Variants in CAMTA1 observed in about 807,000 individuals in gnomAD.
CAMTA1 encodes calmodulin-binding transcription activator 1.
In CAMTA1, 27 loss-of-function variants were observed where a neutral mutation model predicts 170.9. The ratio of observed to expected loss-of-function variants is 0.16; its 90% CI spans 0.12 to 0.22. CAMTA1 has a LOEUF of 0.22. Ranked by LOEUF, CAMTA1 falls within the 10% of genes least tolerant of loss-of-function variation. The pLI, the probability that CAMTA1 is intolerant of heterozygous loss-of-function variation, is 1.00. For synonymous variants in CAMTA1, 833 were observed against 891.5 expected (o/e 0.93, Z 1.17); for missense variants, 1,619 against 2,217.2 (o/e 0.73, Z 5.42).
At chr1:6,953,826 G>A (rs558095172) in intron 3 of CAMTA1, among the ~76,000 whole-genome samples, 3 of 151,804 alleles carry the variant, frequency 2.0e-5, no homozygotes, top group Admixed American at 6.6e-5. Context: ...GGCTGAGCAC[G>A]ACACTGGCAT....
chr1:7,276,289 ATATATATATATATATTT>A (rs775602501), intron 5 of CAMTA1, among the ~76,000 whole-genome samples: 722 of 53,516 alleles, frequency 0.013, 21 homozygotes, highest in Non-Finnish European at 0.015. Flanking sequence ...ATATATATAT[ATATATATATATATATTT>A]TTTTTTTTTT....
chr1:7,628,073 A>G lies in CAMTA1; in HGVS notation c.511-12327A>G, dbSNP rs150052535. Among the ~76,000 whole-genome samples the G allele has an allele frequency of 1.1e-3, 172 of 152,316 alleles. 1 individual carries two copies. The highest frequency in any genetic ancestry group is 4.0e-3 in the African/African-American group (168 of 41,564). ...GGGGAGGAAGAGATTTGGGGGCTGG[A>G]GTTGCTGAAAAGTCTTGAGATGTGC... On this transcript the variant is annotated intron_variant, in intron 6 of 22. Coordinates refer to ENST00000303635, the MANE Select transcript of CAMTA1 (RefSeq NM_015215.4).
rs1684979688 is a variant in CAMTA1, at chr1:6,934,552, T to C, written c.234+109342T>C. 6.6e-6 allele frequency among the ~76,000 whole-genome samples: 1 copy of C among 152,232 alleles called. No individual in the cohort carries two copies. The highest frequency in any genetic ancestry group is 2.4e-5 in the African/African-American group (1 of 41,472). On this transcript the variant is annotated intron_variant, in intron 3 of 22. Coordinates refer to ENST00000303635, the MANE Select transcript of CAMTA1 (RefSeq NM_015215.4). This position sits in a 1 kb window ranked among gnomAD's most constrained non-coding sequence, Gnocchi z 4.5. ...TTGGCCACTGTGGACCCGCTTGGGC[T>C]AGCTGCGTGTCTCTGTGTGTTGCTG...
intron 4 of CAMTA1, among the ~76,000 whole-genome samples, chr1:7,103,869 ACACAAC>A (rs1558103271): frequency 8.9e-5 from 13 of 146,412 alleles, no homozygotes; most frequent in South Asian, 4.4e-4. Context: ...ATACACACAC[ACACAAC>A]TACACACATG....
intron 3 of CAMTA1, among the ~76,000 whole-genome samples, chr1:7,086,528 C>T (rs1177842347): frequency 6.6e-6 from 1 of 152,172 alleles, no homozygotes; most frequent in African/African-American, 2.4e-5. Context: ...ATTTTCATCA[C>T]CCCAGAAGGA....
At chr1:6,792,061 G>T (rs1225695836) in intron 1 of CAMTA1, among the ~76,000 whole-genome samples, 4 of 151,390 alleles carry the variant, frequency 2.6e-5, no homozygotes, top group Non-Finnish European at 5.9e-5. Context: ...TCAAGCGATT[G>T]TCCTGCTTCA....
chr1:7,456,262 G>A lies in CAMTA1; in HGVS notation c.439-11568G>A, dbSNP rs1484721503. ...GGAGGGAGGGAGGAAGGGAGGAAGG[G>A]GGGCAGGGAGGCAAGAAGAATGGGA... is the stretch of plus-strand genomic sequence containing the variant. On this transcript the variant is annotated intron_variant, in intron 5 of 22. Coordinates refer to ENST00000303635, the MANE Select transcript of CAMTA1 (RefSeq NM_015215.4). The surrounding 1 kb of genome is among the most constrained non-coding windows in gnomAD (Gnocchi z 4.9). Among the ~76,000 whole-genome samples, 8 of 147,716 alleles carry A rather than the reference G, an allele frequency of 5.4e-5. No homozygotes were observed. The highest frequency in any genetic ancestry group is 5.4e-4 in the Admixed American group (8 of 14,848).
chr1:6,912,967 C>T (rs1207314263), intron 3 of CAMTA1, among the ~76,000 whole-genome samples: 2 of 152,312 alleles, frequency 1.3e-5, no homozygotes, highest in South Asian at 2.1e-4. Flanking sequence ...CAGCGCCCAG[C>T]GTGGAGTTAT....
At chr1:7,605,036 TG>T (rs2095474619) in intron 6 of CAMTA1, among the ~76,000 whole-genome samples, 1 of 152,134 alleles carries the variant, frequency 6.6e-6, no homozygotes, top group Non-Finnish European at 1.5e-5. Flanking sequence ...ATCATTCCTC[TG>T]GAAGTTTTGT....
At chr1:6,844,965 A>G (rs1228880275) in intron 3 of CAMTA1, among the ~76,000 whole-genome samples, 1 of 152,178 alleles carries the variant, frequency 6.6e-6, no homozygotes, top group East Asian at 1.9e-4. Flanking sequence ...TTTATTTTTT[A>G]TAGCAATAAG....
At chr1:7,649,544 G>C (rs1214494278) in intron 7 of CAMTA1, among the ~76,000 whole-genome samples, 1 of 152,010 alleles carries the variant, frequency 6.6e-6, no homozygotes, top group Non-Finnish European at 1.5e-5. Context: ...GCAGAGGGTG[G>C]GCACGGAGAG....
intron 4 of CAMTA1, among the ~76,000 whole-genome samples, chr1:7,138,239 G>A (rs186145163): frequency 2.1e-4 from 32 of 152,184 alleles, no homozygotes; most frequent in Non-Finnish European, 3.4e-4. Context: ...CAATCCTCCC[G>A]CCTTGGCCTC....
chr1:7,604,478 C>T (rs139467769), intron 6 of CAMTA1, among the ~76,000 whole-genome samples: 13 of 152,338 alleles, frequency 8.5e-5, no homozygotes, highest in African/African-American at 1.2e-4. Flanking sequence ...GAATCAGCTA[C>T]TGAGGCTTGT....
rs1364739430 is a variant in CAMTA1, at chr1:7,144,737, A to G, written c.302+53366A>G. On this transcript the variant is annotated intron_variant, in intron 4 of 22. Coordinates refer to ENST00000303635, the MANE Select transcript of CAMTA1 (RefSeq NM_015215.4). This position sits in a 1 kb window ranked among gnomAD's most constrained non-coding sequence, Gnocchi z 4.0. ...GTCCTGTCTGGTAATCTCTATAAGC[A>G]TCCCAAACTAGTATTGATTGACGTC... Among the ~76,000 whole-genome samples the G allele has an allele frequency of 6.6e-6, 1 of 152,246 alleles. No homozygotes were observed. Among genetic ancestry groups the G allele is most frequent in the African/African-American group, 2.4e-5 (1 of 41,462 alleles).
At chr1:7,615,038 C>T (rs1040435615) in intron 6 of CAMTA1, among the ~76,000 whole-genome samples, 1 of 152,258 alleles carries the variant, frequency 6.6e-6, no homozygotes, top group Admixed American at 6.5e-5. Flanking sequence ...CTCTTCCCTT[C>T]CTTCATTCAT....
At chr1:6,892,198 T>G (rs1674649128) in intron 3 of CAMTA1, among the ~76,000 whole-genome samples, 1 of 152,242 alleles carries the variant, frequency 6.6e-6, no homozygotes, top group African/African-American at 2.4e-5. Context: ...TACTAAATTT[T>G]GTGAGATCAG....
chr1:7,511,143 T>C (rs763471361), intron 6 of CAMTA1, among the ~76,000 whole-genome samples: 1 of 145,572 alleles, frequency 6.9e-6, no homozygotes, highest in Non-Finnish European at 1.5e-5. Flanking sequence ...CCTACGAGCA[T>C]TTCCAACCCC....
chr1:6,860,035 T>C (rs1335293818), intron 3 of CAMTA1, among the ~76,000 whole-genome samples: 1 of 152,206 alleles, frequency 6.6e-6, no homozygotes, highest in African/African-American at 2.4e-5. Flanking sequence ...TTTATAATAG[T>C]CTTCAGTCTT....
chr1:7,188,846 A>G (rs1453273446), intron 4 of CAMTA1, among the ~76,000 whole-genome samples: 4 of 152,204 alleles, frequency 2.6e-5, no homozygotes, highest in Non-Finnish European at 5.9e-5. Flanking sequence ...TGGCTGGACC[A>G]TGTGGCAACT....
Sources: allele counts gnomAD v4.1 joint callset (sites outside exome capture counted in the v4.1 genomes callset), GRCh38; gene constraint gnomAD v4.1.1; non-coding constraint Gnocchi (gnomAD v3.1); transcripts MANE v1.5; gene names NCBI Gene and HGNC (gene_info 2026-07-23, HGNC 2026-07-21).